TRAF3: variants seen among roughly 807,000 people sequenced by gnomAD.
The protein encoded by TRAF3 is TNF receptor associated factor 3.
In TRAF3, 13 loss-of-function variants were observed where a neutral mutation model predicts 62.3. The observed-to-expected ratio is 0.21, with a 90% CI of 0.14 to 0.33. The LOEUF is 0.33. Among genes scored for constraint, TRAF3 ranks in the 10% least tolerant of loss-of-function variants. The probability of loss-of-function intolerance (pLI) is 1.00; values close to 1 mark genes in which losing one functional copy is unlikely to be tolerated. For synonymous variants in TRAF3, 269 were observed against 283.4 expected, an observed-to-expected ratio of 0.95 and a Z score of 0.51; for missense variants, 440 against 741.8, an observed-to-expected ratio of 0.59 and a Z score of 4.73.
At position 102,903,491 on chromosome 14, in the gene TRAF3, C is replaced by T. The variant is rs115535498; in HGVS notation, c.1135+62C>T. ...TCTGGGCCCCGGGCGAGTGCTGGGG[C>T]GGGGTCCGTGGGATGAGGGCTATGT... On this transcript the variant is annotated intron_variant, in intron 11 of 11. Transcript: ENST00000392745. The surrounding 1 kb of genome is among the most constrained non-coding windows in gnomAD (Gnocchi z 6.4). 761 of 1,608,568 alleles carry T rather than the reference C, an allele frequency of 4.7e-4. 2 individuals are homozygous for T. The African/African-American group carries it at 9.1e-3, about 19-fold the overall frequency.
Position 102,908,374 on chromosome 14 carries a change from T to TA in TRAF3, c.*2591dup. 1 of 152,628 alleles carries TA rather than the reference T, an allele frequency of 6.6e-6. No individual in the cohort carries two copies. Among genetic ancestry groups the TA allele is most frequent in the South Asian group, 2.1e-4 (1 of 4,840 alleles). 9.5% of individuals were successfully genotyped at this position (152,628 alleles called of 1,614,324 possible). ...CGCGCTTTGTCTTTGTGTTTGGTTG[T>TA]ATCGGGGTCTCTGTTCTGAGTGTGT... On this transcript the variant is annotated 3_prime_UTR_variant, in exon 12 of 12. Coordinates refer to ENST00000392745, the MANE Select transcript of TRAF3 (RefSeq NM_145725.3).
At chr14:102,821,124 C>T (rs989128797) in intron 1 of TRAF3, among the ~76,000 whole-genome samples, 4 of 152,042 alleles carry the variant, frequency 2.6e-5, no homozygotes, top group South Asian at 2.1e-4. Context: ...CCATTATTTC[C>T]GTAGCTTTTC....
chr14:102,903,874 G>A lies in TRAF3; in HGVS notation c.1135+445G>A, dbSNP rs1890441015. On this transcript the variant is annotated intron_variant, in intron 11 of 11. Coordinates refer to ENST00000392745, the MANE Select transcript of TRAF3 (RefSeq NM_145725.3). This position sits in a 1 kb window ranked among gnomAD's most constrained non-coding sequence, Gnocchi z 6.4. ...ATCCACAAGCAGATGTGGGCCTATG[G>A]CTTTGGGGACTGAAAGAGTATTGGG... is the stretch of plus-strand genomic sequence containing the variant. 2.3e-6 allele frequency: 1 copy of A among 441,026 alleles called. No individual in the cohort carries two copies. The allele number at this position is 441,026 out of a possible 1,614,324, so 27.3% of individuals were successfully genotyped here.
intron 2 of TRAF3, among the ~76,000 whole-genome samples, chr14:102,844,084 G>C (rs761219217): frequency 1.3e-5 from 2 of 152,206 alleles, no homozygotes; most frequent in Non-Finnish European, 2.9e-5. Flanking sequence ...TATTAAAAAT[G>C]TTTAGATTTA....
At chr14:102,855,379 G>A (rs1005385243) in intron 2 of TRAF3, among the ~76,000 whole-genome samples, 2 of 152,134 alleles carry the variant, frequency 1.3e-5, no homozygotes, top group Non-Finnish European at 2.9e-5. Context: ...ATGGTAAAAT[G>A]TTTTAACTTT....
At chr14:102,829,109 C>G (rs770476951) in intron 1 of TRAF3, among the ~76,000 whole-genome samples, 2 of 152,052 alleles carry the variant, frequency 1.3e-5, no homozygotes, top group Non-Finnish European at 2.9e-5. Context: ...AGAGTCAGAG[C>G]GGAGATTTAT....
At chr14:102,825,129 C>T (rs774991238) in intron 1 of TRAF3, among the ~76,000 whole-genome samples, 5 of 152,210 alleles carry the variant, frequency 3.3e-5, no homozygotes, top group Non-Finnish European at 5.9e-5. Context: ...GCTCTGCCCA[C>T]GCTGTGAGGA....
In TRAF3 at chr14:102,777,575, CG is replaced by C. The variant is rs1446227902; in HGVS notation, c.-256del. Reference sequence around the variant, plus strand: ...GCCGCGGCGGCCGCCGGCTCTTCCCCGCCCCCCGCCATGGGGCAGCCCGGGG... The same window carrying C: ...GCCGCGGCGGCCGCCGGCTCTTCCCCCCCCCCGCCATGGGGCAGCCCGGGG... On this transcript the variant is annotated 5_prime_UTR_variant, in exon 1 of 12. Coordinates refer to ENST00000392745, the MANE Select transcript of TRAF3 (RefSeq NM_145725.3). The C allele has an allele frequency of 6.9e-6, 1 of 145,212 alleles. No homozygotes were observed. Among genetic ancestry groups the C allele is most frequent in the Non-Finnish European group, 1.5e-5 (1 of 65,278 alleles). 9.0% of individuals were successfully genotyped at this position (145,212 alleles called of 1,614,324 possible). A position where few individuals can be genotyped will look rare whatever the true frequency, so the allele number is the denominator to read the frequency against.
intron 1 of TRAF3, among the ~76,000 whole-genome samples, chr14:102,793,932 A>G (rs923213570): frequency 1.3e-5 from 2 of 152,134 alleles, no homozygotes; most frequent in African/African-American, 2.4e-5. Context: ...TGTGGCCTTG[A>G]TGGAGGTAAT....
chr14:102,809,529 C>CTTT (rs60882875), intron 1 of TRAF3, among the ~76,000 whole-genome samples: 8 of 114,900 alleles, frequency 7.0e-5, no homozygotes, highest in Non-Finnish European at 1.0e-4. Context: ...ACAGCATAGA[C>CTTT]TTTTTTTTTT....
At chr14:102,823,300 T>C (rs12878111) in intron 1 of TRAF3, among the ~76,000 whole-genome samples, 36,771 of 152,104 alleles carry the variant, frequency 0.24, 5,357 homozygotes, top group South Asian at 0.45. Context: ...GAAATGTTTC[T>C]GGGTCTTAAA....
chr14:102,822,532 C>G (rs773862125), intron 1 of TRAF3, among the ~76,000 whole-genome samples: 2 of 152,182 alleles, frequency 1.3e-5, no homozygotes, highest in African/African-American at 4.8e-5. Flanking sequence ...AAAGTAGTTT[C>G]TTTTCTTGAT....
intron 1 of TRAF3, among the ~76,000 whole-genome samples, chr14:102,797,333 C>A (rs1368821603): frequency 6.6e-6 from 1 of 152,150 alleles, no homozygotes; most frequent in Non-Finnish European, 1.5e-5. Flanking sequence ...GTCCCCAATT[C>A]TATATATGAT....
chr14:102,793,689 T>C (rs1897921709), intron 1 of TRAF3, among the ~76,000 whole-genome samples: 1 of 152,236 alleles, frequency 6.6e-6, no homozygotes, highest in Non-Finnish European at 1.5e-5. Context: ...AAATCATGGC[T>C]GATAGCACAC....
At chr14:102,862,821 T>G (rs1887759454) in intron 2 of TRAF3, among the ~76,000 whole-genome samples, 1 of 152,206 alleles carries the variant, frequency 6.6e-6, no homozygotes, top group Admixed American at 6.5e-5. Context: ...TTCCTTACAC[T>G]TTATAATCTC....
At chr14:102,856,310 G>A (rs1004502964) in intron 2 of TRAF3, among the ~76,000 whole-genome samples, 6 of 152,154 alleles carry the variant, frequency 3.9e-5, no homozygotes, top group Non-Finnish European at 2.9e-5. Flanking sequence ...AACAAGGGGT[G>A]GATTATTCAT....
At chr14:102,887,256 A>G (rs1176258547) in intron 7 of TRAF3, among the ~76,000 whole-genome samples, 6 of 152,210 alleles carry the variant, frequency 3.9e-5, no homozygotes, top group African/African-American at 1.4e-4. Context: ...GAGCCGGCTC[A>G]CCTTTTCACC....
chr14:102,860,884 G>A (rs543551154), intron 2 of TRAF3, among the ~76,000 whole-genome samples: 5 of 152,242 alleles, frequency 3.3e-5, no homozygotes, highest in Non-Finnish European at 7.3e-5. Context: ...AATCCCTGTT[G>A]CCTGGAAGGC....
At chr14:102,800,678 T>C (rs1403641073) in intron 1 of TRAF3, among the ~76,000 whole-genome samples, 62 of 151,846 alleles carry the variant, frequency 4.1e-4, no homozygotes, top group Admixed American at 3.9e-3. Flanking sequence ...TTAATTAACA[T>C]GTTTCCTGTT....
Sources: allele counts gnomAD v4.1 joint callset (sites outside exome capture counted in the v4.1 genomes callset), GRCh38; gene constraint gnomAD v4.1.1; non-coding constraint Gnocchi (gnomAD v3.1); transcripts MANE v1.5; gene names NCBI Gene and HGNC (gene_info 2026-07-23, HGNC 2026-07-21).